The following CSMD3 variants were observed in gnomAD, a reference collection of about 807,000 sequenced individuals.
The protein encoded by CSMD3 is CUB and sushi domain-containing protein 3.
Under a neutral mutation model 435.2 loss-of-function variants are expected in CSMD3, and 177 were observed. That is an observed-to-expected ratio of 0.41 (90% CI 0.36 to 0.46). The LOEUF (loss-of-function observed/expected upper bound fraction) is 0.46. CSMD3 is among the 20% of genes least tolerant of loss of function. The probability of loss-of-function intolerance (pLI) is 0.34; values close to 1 mark genes in which losing one functional copy is unlikely to be tolerated. For missense variants in CSMD3, 4,265 were observed against 4,504.6 expected (o/e 0.95, Z 1.52); for synonymous variants, 1,656 against 1,520.5 (o/e 1.09, Z -2.07).
At chr8:112,343,875 A>T (rs544255182) in intron 41 of CSMD3, among the ~76,000 whole-genome samples, 10 of 151,316 alleles carry the variant, frequency 6.6e-5, no homozygotes, top group African/African-American at 2.4e-4. Context: ...TTGATTATTT[A>T]TTTATTATTT....
chr8:112,369,446 G>A (rs993900426), intron 38 of CSMD3, among the ~76,000 whole-genome samples: 5 of 152,120 alleles, frequency 3.3e-5, no homozygotes, highest in Non-Finnish European at 5.9e-5. Flanking sequence ...CAAGTAGCTT[G>A]TTAGAAGTCA....
intron 10 of CSMD3, among the ~76,000 whole-genome samples, chr8:112,859,792 C>T (rs559222460): frequency 1.3e-4 from 20 of 151,656 alleles, no homozygotes; most frequent in Admixed American, 7.9e-4. Context: ...TAATGAATTC[C>T]CACAAAAGTT....
At chr8:112,434,715 A>G (rs546791636) in intron 32 of CSMD3, among the ~76,000 whole-genome samples, 9 of 152,222 alleles carry the variant, frequency 5.9e-5, no homozygotes, top group African/African-American at 1.7e-4. Flanking sequence ...GGAACCATCA[A>G]TGTGTTCACA....
At chr8:113,372,326 CTTAG>C in intron 1 of CSMD3, among the ~76,000 whole-genome samples, 1 of 152,236 alleles carries the variant, frequency 6.6e-6, no homozygotes, top group African/African-American at 2.4e-5. Flanking sequence ...GGTTGGTAAA[CTTAG>C]TTGGCCCCAG....
chr8:113,382,697 T>A, intron 1 of CSMD3, among the ~76,000 whole-genome samples: 1 of 152,092 alleles, frequency 6.6e-6, no homozygotes, highest in East Asian at 1.9e-4. Flanking sequence ...TTAAAACAGT[T>A]GGCCAGGCGT....
intron 5 of CSMD3, among the ~76,000 whole-genome samples, chr8:113,093,029 T>A (rs1198954055): frequency 6.6e-6 from 1 of 152,110 alleles, no homozygotes; most frequent in Non-Finnish European, 1.5e-5. Flanking sequence ...AAATTATATG[T>A]GGAACAAAAA....
chr8:112,897,729 T>C (rs1450288346), intron 10 of CSMD3, among the ~76,000 whole-genome samples: 3 of 138,912 alleles, frequency 2.2e-5, no homozygotes, highest in Admixed American at 7.4e-5. Context: ...TGTGTGTGTG[T>C]GTAGGGGAAG....
At chr8:112,381,659 A>G (rs144242469) in intron 37 of CSMD3, among the ~76,000 whole-genome samples, 74 of 152,324 alleles carry the variant, frequency 4.9e-4, no homozygotes, top group African/African-American at 1.7e-3. Flanking sequence ...TTTTCTGGCC[A>G]TAGTGTGATA....
intron 27 of CSMD3, among the ~76,000 whole-genome samples, chr8:112,524,818 ATCT>A (rs1346216133): frequency 6.6e-6 from 1 of 152,066 alleles, no homozygotes; most frequent in Non-Finnish European, 1.5e-5. Context: ...TACAAAAAGC[ATCT>A]TCTTTATATG....
At chr8:113,260,507 A>C (rs2093418326) in intron 3 of CSMD3, among the ~76,000 whole-genome samples, 1 of 152,062 alleles carries the variant, frequency 6.6e-6, no homozygotes, top group African/African-American at 2.4e-5. Flanking sequence ...AACTCTGGCT[A>C]TTTCTATGGC....
At chr8:113,273,266 C>T (rs1158948440) in intron 3 of CSMD3, among the ~76,000 whole-genome samples, 1 of 151,740 alleles carries the variant, frequency 6.6e-6, no homozygotes, top group Non-Finnish European at 1.5e-5. Context: ...TTTCCTTTGT[C>T]TAACGCTAAA....
intron 13 of CSMD3, among the ~76,000 whole-genome samples, chr8:112,788,401 A>G (rs1447512321): frequency 1.3e-5 from 2 of 151,978 alleles, no homozygotes; most frequent in South Asian, 2.1e-4. Context: ...CTCAGCTCCA[A>G]TGGAACCACT....
At chr8:112,602,060 G>A (rs1832398811) in intron 22 of CSMD3, among the ~76,000 whole-genome samples, 1 of 148,066 alleles carries the variant, frequency 6.8e-6, no homozygotes, top group Admixed American at 6.7e-5. Context: ...CTTTAGAGTG[G>A]TCACTGTCTA....
intron 1 of CSMD3, among the ~76,000 whole-genome samples, chr8:113,435,008 G>A (rs1037978342): frequency 1.3e-5 from 2 of 152,180 alleles, no homozygotes; most frequent in Admixed American, 6.5e-5. Flanking sequence ...GGCTATTCGC[G>A]CCTCCCCCAC....
rs558182176 is a variant in CSMD3, at chr8:112,852,135, AG to A, written c.1755+7009del. 3.6e-4 allele frequency among the ~76,000 whole-genome samples: 55 copies of A among 152,292 alleles called. No individual in the cohort carries two copies. In the East Asian group the frequency reaches 7.7e-3, roughly 21 times the overall value. On this transcript the variant is annotated intron_variant, in intron 11 of 70. Transcript: ENST00000297405. Reference sequence around the variant, plus strand: ...CCTGAAAAAGGGACTAGTGATGACAAGGGAAGATCCCAACCTAACAATGAAA... The same window carrying A: ...CCTGAAAAAGGGACTAGTGATGACAAGGAAGATCCCAACCTAACAATGAAA...
intron 9 of CSMD3, among the ~76,000 whole-genome samples, chr8:112,935,534 C>T (rs779864250): frequency 1.2e-4 from 18 of 151,824 alleles, no homozygotes; most frequent in Non-Finnish European, 2.5e-4. Flanking sequence ...GGATATCTTT[C>T]TATTTATTTG....
intron 38 of CSMD3, among the ~76,000 whole-genome samples, chr8:112,355,295 G>T (rs2131080004): frequency 6.6e-6 from 1 of 152,268 alleles, no homozygotes; most frequent in Non-Finnish European, 1.5e-5. Flanking sequence ...CCTTGGCAAT[G>T]AATTTATGAC....
chr8:112,648,384 A>G (rs2075039388), intron 19 of CSMD3, among the ~76,000 whole-genome samples: 1 of 152,186 alleles, frequency 6.6e-6, no homozygotes, highest in Non-Finnish European at 1.5e-5. Flanking sequence ...GAAATACAAA[A>G]GAGGAGGCCA....
intron 15 of CSMD3, among the ~76,000 whole-genome samples, chr8:112,684,887 T>C (rs976548812): frequency 6.6e-6 from 1 of 152,186 alleles, no homozygotes; most frequent in Non-Finnish European, 1.5e-5. Context: ...GTGGCTCAGT[T>C]ATAAAACCTA....
Sources: allele counts gnomAD v4.1 joint callset (sites outside exome capture counted in the v4.1 genomes callset), GRCh38; gene constraint gnomAD v4.1.1; transcripts MANE v1.5; gene names NCBI Gene and HGNC (gene_info 2026-07-23, HGNC 2026-07-21).